The following GPR158 variants were observed in gnomAD, a reference collection of about 807,000 sequenced individuals.
GPR158 encodes the protein G protein-coupled receptor 158, also known as metabotropic glycine receptor.
A neutral mutation model predicts 78.2 loss-of-function variants in GPR158; 30 were observed. That is an observed-to-expected ratio of 0.38 (90% CI 0.29 to 0.52). GPR158 has a LOEUF of 0.52. Among genes scored for constraint, GPR158 ranks in the 20% least tolerant of loss-of-function variants. GPR158 has a pLI of 0.83. For missense variants in GPR158, 1,463 were observed against 1,523.5 expected (o/e 0.96, Z 0.66); for synonymous variants, 581 against 591.1 (o/e 0.98, Z 0.25).
chr10:25,576,905 T>C (rs1216703257), intron 7 of GPR158, among the ~76,000 whole-genome samples: 1 of 150,916 alleles, frequency 6.6e-6, no homozygotes, highest in Non-Finnish European at 1.5e-5. Flanking sequence ...TCATTGCTTT[T>C]GTCCTATAAA....
At chr10:25,591,571 G>A (rs1446102667) in intron 8 of GPR158, among the ~76,000 whole-genome samples, 1 of 152,082 alleles carries the variant, frequency 6.6e-6, no homozygotes, top group Non-Finnish European at 1.5e-5. Flanking sequence ...GTACTTGCAA[G>A]ATCAATTTTC....
chr10:25,369,005 T>A (rs1449644038), intron 2 of GPR158, among the ~76,000 whole-genome samples: 4 of 150,774 alleles, frequency 2.7e-5, no homozygotes, highest in African/African-American at 9.8e-5. Context: ...GCTTGTGATT[T>A]TCGTACATTG....
chr10:25,395,371 T>G (rs796866760), intron 2 of GPR158, among the ~76,000 whole-genome samples: 2 of 152,308 alleles, frequency 1.3e-5, no homozygotes, highest in African/African-American at 4.8e-5. Context: ...AAATTTGCAT[T>G]TTTAAATTTA....
intron 5 of GPR158, among the ~76,000 whole-genome samples, chr10:25,543,149 C>G (rs1402381074): frequency 6.6e-6 from 1 of 152,052 alleles, no homozygotes; most frequent in African/African-American, 2.4e-5. Flanking sequence ...GAGATGGAAT[C>G]TCACTCTGTC....
At chr10:25,306,915 C>A (rs1554792411) in intron 2 of GPR158, among the ~76,000 whole-genome samples, 1 of 151,964 alleles carries the variant, frequency 6.6e-6, no homozygotes, top group Non-Finnish European at 1.5e-5. Flanking sequence ...ACAGCAAAAT[C>A]ACATAACATA....
At position 25,469,596 on chromosome 10, in the gene GPR158, A is replaced by T. The variant is rs1460875226; in HGVS notation, c.1404+2877A>T. 2.0e-5 allele frequency among the ~76,000 whole-genome samples: 3 copies of T among 151,974 alleles called. No homozygotes were observed. The South Asian group carries it at 6.2e-4, about 32-fold the overall frequency. Reference sequence around the variant, plus strand: ...TCAGGAGATCGAGACCATCCTGTCTAACACGGTGAAACCCCATCTCTACTG... The same window carrying T: ...TCAGGAGATCGAGACCATCCTGTCTTACACGGTGAAACCCCATCTCTACTG... On this transcript the variant is annotated intron_variant, in intron 5 of 10. Coordinates refer to ENST00000376351, the MANE Select transcript of GPR158 (RefSeq NM_020752.3).
At position 25,241,377 on chromosome 10, in the gene GPR158, T is replaced by TTTTC. The variant is rs1853624056; in HGVS notation, c.1008+20221_1008+20222insTTCT. 4.2e-4 allele frequency among the ~76,000 whole-genome samples: 41 copies of TTTTC among 97,062 alleles called. 3 individuals carry two copies. The highest frequency in any genetic ancestry group is 1.4e-3 in the African/African-American group (31 of 21,502). The allele number at this position is 97,062 out of a possible 152,430, so 63.7% of individuals were successfully genotyped here. ...TTTCTTTTCTCTTTTCTTTTCTCTC[T>TTTTC]TCTCTTCTCTTCTCTTCTCTTCTCT... On this transcript the variant is annotated intron_variant, in intron 2 of 10. Coordinates refer to ENST00000376351, the MANE Select transcript of GPR158 (RefSeq NM_020752.3).
intron 2 of GPR158, among the ~76,000 whole-genome samples, chr10:25,254,699 A>T (rs1853868687): frequency 6.6e-6 from 1 of 152,200 alleles, no homozygotes; most frequent in South Asian, 2.1e-4. Context: ...TACATCCAGA[A>T]TATCTTGTTA....
intron 2 of GPR158, among the ~76,000 whole-genome samples, chr10:25,251,064 C>G (rs372642338): frequency 4.4e-4 from 67 of 152,032 alleles, no homozygotes; most frequent in Admixed American, 1.4e-3. Flanking sequence ...TTACCATTAT[C>G]TAATGGCCTT....
rs554283319 is a variant in GPR158, at chr10:25,371,360, C to T, written c.1009-24551C>T. On this transcript the variant is annotated intron_variant, in intron 2 of 10. Coordinates refer to ENST00000376351, the MANE Select transcript of GPR158 (RefSeq NM_020752.3). ...CCTTCAGGAGGTCTTTTAGGGCAGGCCTGGTGGTGACAAAATCTAAAGAGC... is the reference window on the plus strand; with the variant it reads ...CCTTCAGGAGGTCTTTTAGGGCAGGTCTGGTGGTGACAAAATCTAAAGAGC... 3.3e-5 allele frequency among the ~76,000 whole-genome samples: 5 copies of T among 151,686 alleles called. No individual in the cohort carries two copies. The South Asian group carries it at 8.4e-4, about 25-fold the overall frequency.
At chr10:25,375,714 G>C (rs1215884491) in intron 2 of GPR158, among the ~76,000 whole-genome samples, 1 of 151,480 alleles carries the variant, frequency 6.6e-6, no homozygotes, top group Non-Finnish European at 1.5e-5. Flanking sequence ...ATTTTCATGA[G>C]TCTAAGTTTT....
At chr10:25,184,025 C>T (rs1040515722) in intron 1 of GPR158, among the ~76,000 whole-genome samples, 1 of 152,132 alleles carries the variant, frequency 6.6e-6, no homozygotes, top group African/African-American at 2.4e-5. Flanking sequence ...AGGCATCTTA[C>T]AATTAATGCC....
At chr10:25,278,149 A>G (rs1854212120) in intron 2 of GPR158, among the ~76,000 whole-genome samples, 1 of 152,214 alleles carries the variant, frequency 6.6e-6, no homozygotes, top group Non-Finnish European at 1.5e-5. Context: ...TAGATTTTAA[A>G]ACACTTCAGA....
chr10:25,423,728 G>A (rs1834784441), intron 4 of GPR158, among the ~76,000 whole-genome samples: 1 of 152,110 alleles, frequency 6.6e-6, no homozygotes, highest in Non-Finnish European at 1.5e-5. Flanking sequence ...CCATTTTTAT[G>A]GCTGCATAGT....
At chr10:25,523,988 A>G (rs1836318511) in intron 5 of GPR158, among the ~76,000 whole-genome samples, 1 of 152,206 alleles carries the variant, frequency 6.6e-6, no homozygotes, top group African/African-American at 2.4e-5. Flanking sequence ...AAAGTTGCAG[A>G]ATACGAGATC....
intron 6 of GPR158, among the ~76,000 whole-genome samples, chr10:25,567,416 G>T (rs940279430): frequency 1.3e-5 from 2 of 152,148 alleles, no homozygotes; most frequent in African/African-American, 2.4e-5. Flanking sequence ...CATCCCTCCA[G>T]AGTTTCAGAG....
At chr10:25,436,258 A>T (rs926015942) in intron 4 of GPR158, among the ~76,000 whole-genome samples, 6 of 152,224 alleles carry the variant, frequency 3.9e-5, no homozygotes, top group Non-Finnish European at 7.4e-5. Context: ...AACTTACCTG[A>T]GCATCTTGTA....
rs544407482 is a variant in GPR158, at chr10:25,577,961, T to C, written c.1753+5074T>C. ...TTTCAGGCAGAGTAGTCAGTTTTTC[T>C]TAACAAATGACTTTTTCATCTGGTG... On this transcript the variant is annotated intron_variant, in intron 7 of 10. Transcript: ENST00000376351. Among the ~76,000 whole-genome samples the C allele has an allele frequency of 8.8e-4, 134 of 152,356 alleles. 4 individuals are homozygous for C. In the South Asian group the frequency reaches 0.028, roughly 31 times the overall value.
chr10:25,185,376 C>T (rs979893298), intron 1 of GPR158, among the ~76,000 whole-genome samples: 2 of 152,042 alleles, frequency 1.3e-5, no homozygotes, highest in Non-Finnish European at 2.9e-5. Flanking sequence ...TTTGATAGAT[C>T]AATGAAATAT....
Sources: allele counts gnomAD v4.1 joint callset (sites outside exome capture counted in the v4.1 genomes callset), GRCh38; gene constraint gnomAD v4.1.1; transcripts MANE v1.5; gene names NCBI Gene and HGNC (gene_info 2026-07-23, HGNC 2026-07-21).